ITPR3: variants seen among roughly 807,000 people sequenced by gnomAD.
The protein encoded by ITPR3 is inositol 1,4,5-trisphosphate-gated calcium channel ITPR3.
Under a neutral mutation model 293.2 loss-of-function variants are expected in ITPR3, and 173 were observed. The observed-to-expected ratio is 0.59, with a 90% CI of 0.52 to 0.67. The LOEUF (loss-of-function observed/expected upper bound fraction) is 0.67, where lower values mean the gene tolerates loss of function less well. Ranked by LOEUF, ITPR3 falls within the 30% of genes least tolerant of loss-of-function variation. The pLI is 0.00. For missense variants in ITPR3, 2,796 were observed against 3,592.1 expected (o/e 0.78, Z 5.66); for synonymous variants, 1,295 against 1,444.4 (o/e 0.90, Z 2.35).
Position 33,670,889 on chromosome 6 carries a change from C to T in ITPR3, c.2586+74C>T. Reference sequence around the variant, plus strand: ...GCCCCACACTGGCCTCGGTCTTCACCCAGGAGTCGGCTGTGGGATCCATGA... The same window carrying T: ...GCCCCACACTGGCCTCGGTCTTCACTCAGGAGTCGGCTGTGGGATCCATGA... On this transcript the variant is annotated intron_variant, in intron 20 of 57. Coordinates refer to ENST00000605930, the MANE Select transcript of ITPR3 (RefSeq NM_002224.4). The surrounding 1 kb of genome is among the most constrained non-coding windows in gnomAD (Gnocchi z 6.7). 1 of 1,551,294 alleles carries T rather than the reference C, an allele frequency of 6.4e-7. No homozygotes were observed. Among genetic ancestry groups the T allele is most frequent in the Non-Finnish European group, 8.7e-7 (1 of 1,145,162 alleles).
In ITPR3 at chr6:33,695,776, G is replaced by A. The variant is rs1411939138; in HGVS notation, c.8012G>A (p.Arg2671His). The A allele has an allele frequency of 1.9e-6, 3 of 1,614,008 alleles. No homozygotes were observed. Among genetic ancestry groups the A allele is most frequent in the Non-Finnish European group, 2.5e-6 (3 of 1,179,942 alleles). ...GFVDVQNCIS[R>H] ...GTGGATGTCCAGAACTGCATTAGCC[G>A]CTGAGGAGAGCCACCGAAGGCCCCA... The change falls in exon 58 of 58, where the codon CGC becomes CAC. Residue 2671 changes from arginine to histidine, a missense_variant. Coordinates refer to ENST00000605930, the MANE Select transcript of ITPR3 (RefSeq NM_002224.4).
chr6:33,635,975 G>A lies in ITPR3; in HGVS notation c.90-4509G>A, dbSNP rs141596777. 9.8e-3 allele frequency among the ~76,000 whole-genome samples: 1,485 copies of A among 152,034 alleles called. 16 individuals are homozygous for A. Among genetic ancestry groups the A allele is most frequent in the African/African-American group, 0.025 (1,035 of 41,438 alleles). On this transcript the variant is annotated intron_variant, in intron 1 of 57. Transcript: ENST00000605930. ...TGAGTTCTGAGTGGAGTGCTGGCCT[G>A]ATTTGACTTACCTTTTAAAGGGATC... is the stretch of plus-strand genomic sequence containing the variant.
intron 8 of ITPR3, 27 bp downstream of exon 8, chr6:33,662,701 C>A (rs368126454): frequency 1.2e-6 from 2 of 1,601,434 alleles, no homozygotes; most frequent in East Asian, 2.2e-5. Context: ...TTCTGGCACC[C>A]CGGACTCAGC....
chr6:33,649,832 C>T (rs1164229222), intron 2 of ITPR3, among the ~76,000 whole-genome samples: 1 of 152,114 alleles, frequency 6.6e-6, no homozygotes, highest in Non-Finnish European at 1.5e-5. Context: ...CGAGACCTGC[C>T]AAGATCTGTG....
chr6:33,622,115 C>T (rs1296402335), intron 1 of ITPR3, among the ~76,000 whole-genome samples: 3 of 152,222 alleles, frequency 2.0e-5, no homozygotes, highest in Middle Eastern at 3.4e-3. Context: ...AGCCCGTAAT[C>T]CTCTATTACC....
chr6:33,684,918 T>C lies in ITPR3; in HGVS notation c.5282T>C (p.Leu1761Pro). Residue 1761 changes from leucine to proline, a missense_variant, in exon 39 of 58, where the codon CTG (leucine) becomes CCG (proline). By Grantham distance (98) the Leu-to-Pro change is moderately conservative. This residue lies in a region of ITPR3 where 704 missense variants were observed against 797.5 expected (regional missense o/e 0.88). Transcript: ENST00000605930. The surrounding 1 kb of genome is among the most constrained non-coding windows in gnomAD (Gnocchi z 4.2). ...QESIGLAIHL[L>P]DGGNTEIQKS... ...AGCATCGGCCTGGCCATCCACCTGC[T>C]GGATGGTGGCAACACAGAGATCCAG... 6.2e-7 allele frequency: 1 copy of C among 1,612,936 alleles called. No homozygotes were observed. Among genetic ancestry groups the C allele is most frequent in the Non-Finnish European group, 8.5e-7 (1 of 1,179,338 alleles).
chr6:33,650,477 G>A (rs577268890), intron 2 of ITPR3, among the ~76,000 whole-genome samples: 13 of 152,290 alleles, frequency 8.5e-5, no homozygotes, highest in East Asian at 1.9e-4. Flanking sequence ...CTGCTCTCCC[G>A]GGGATGCTTC....
chr6:33,638,356 A>G lies in ITPR3; in HGVS notation c.90-2128A>G, dbSNP rs1023034233. Among the ~76,000 whole-genome samples the G allele has an allele frequency of 6.6e-6, 1 of 152,232 alleles. No homozygotes were observed. The highest frequency in any genetic ancestry group is 1.5e-5 in the Non-Finnish European group (1 of 68,042). On this transcript the variant is annotated intron_variant, in intron 1 of 57. Transcript: ENST00000605930. The surrounding 1 kb of genome is among the most constrained non-coding windows in gnomAD (Gnocchi z 4.3). Reference sequence around the variant, plus strand: ...GCCATTGGTGGTCAACCTAACCTTCAGCGGCTCTCTCCTTCCAGGAGGAGG... The same window carrying G: ...GCCATTGGTGGTCAACCTAACCTTCGGCGGCTCTCTCCTTCCAGGAGGAGG...
chr6:33,658,845 G>A lies in ITPR3; in HGVS notation c.528+17G>A. ...GGGGACAACGTGAGGGCAGGGCCAGGGTTGGAGGGGCCTGGTGGAACTCCC... is the reference window on the plus strand; with the variant it reads ...GGGGACAACGTGAGGGCAGGGCCAGAGTTGGAGGGGCCTGGTGGAACTCCC... On this transcript the variant is annotated intron_variant, in intron 5 of 57. Transcript: ENST00000605930. The surrounding 1 kb of genome is among the most constrained non-coding windows in gnomAD (Gnocchi z 6.1). 6.2e-7 allele frequency: 1 copy of A among 1,613,624 alleles called. No individual in the cohort carries two copies. Among genetic ancestry groups the A allele is most frequent in the Non-Finnish European group, 8.5e-7 (1 of 1,179,672 alleles).
In ITPR3 at chr6:33,680,366, A is replaced by G; in HGVS notation, c.4262A>G (p.Tyr1421Cys). The G allele has an allele frequency of 1.9e-6, 3 of 1,609,066 alleles. No individual in the cohort carries two copies. The highest frequency in any genetic ancestry group is 2.5e-6 in the Non-Finnish European group (3 of 1,178,746). The change falls in exon 32 of 58, where the codon TAC (tyrosine) becomes TGC (cysteine). Residue 1421 changes from tyrosine to cysteine, a missense_variant. Coordinates refer to ENST00000605930, the MANE Select transcript of ITPR3 (RefSeq NM_002224.4). The stretch of plus-strand genomic sequence containing the variant: ...TATGTGAACTTCGTGAACCACTGCT[A>G]CGTGGACACGGAGGTGGAGATGAAG... ...MAYVNFVNHC[Y>C]VDTEVEMKEI...
In ITPR3 at chr6:33,692,330, CCAGA is replaced by C. The variant is rs1582170408; in HGVS notation, c.7459-393_7459-390del. ...TGGGAGTGAGAGGCCGCCTCCCTGGCCAGACAGAGGGTTTCTGGAATGTGTGAGG... is the reference window on the plus strand; with the variant it reads ...TGGGAGTGAGAGGCCGCCTCCCTGGCCAGAGGGTTTCTGGAATGTGTGAGG... On this transcript the variant is annotated intron_variant, in intron 54 of 57. Transcript: ENST00000605930. The surrounding 1 kb of genome is among the most constrained non-coding windows in gnomAD (Gnocchi z 4.2). Among the ~76,000 whole-genome samples, 2 of 152,168 alleles carry C rather than the reference CCAGA, an allele frequency of 1.3e-5. No homozygotes were observed. Among genetic ancestry groups the C allele is most frequent in the Admixed American group, 6.5e-5 (1 of 15,284 alleles).
intron 1 of ITPR3, among the ~76,000 whole-genome samples, chr6:33,630,702 T>C (rs1013239622): frequency 6.6e-6 from 1 of 152,224 alleles, no homozygotes; most frequent in Non-Finnish European, 1.5e-5. Context: ...TTATTTCTAC[T>C]GGGCCAAGTT....
At position 33,688,451 on chromosome 6, in the gene ITPR3, A is replaced by T; in HGVS notation, c.6568+20A>T. 17 of 99,822 alleles carry T rather than the reference A, an allele frequency of 1.7e-4. No homozygotes were observed. Among genetic ancestry groups the T allele is most frequent in the Non-Finnish European group, 2.9e-4 (16 of 56,116 alleles). 6.2% of individuals were successfully genotyped at this position (99,822 alleles called of 1,614,324 possible). A position where few individuals can be genotyped will look rare whatever the true frequency, so the allele number is the denominator to read the frequency against. ...TCCGCAGTGAGGACCCACGGGCGGG[A>T]GGGTGGGGCGGTCTGGAGCTGTTCA... On this transcript the variant is annotated intron_variant, in intron 48 of 57. Coordinates refer to ENST00000605930, the MANE Select transcript of ITPR3 (RefSeq NM_002224.4).
In ITPR3 at chr6:33,674,201, C is replaced by G. The variant is rs1764845303; in HGVS notation, c.3059-7C>G. ...CAATCTGCTTCCATCTGCCCCTCTC[C>G]CCACAGCTGCCAACATGAACCTGGA... On this transcript the variant is annotated splice_region_variant and splice_polypyrimidine_tract_variant and intron_variant, in intron 23 of 57. Transcript: ENST00000605930. 11 of 1,614,052 alleles carry G rather than the reference C, an allele frequency of 6.8e-6. No individual in the cohort carries two copies. Among genetic ancestry groups the G allele is most frequent in the Non-Finnish European group, 9.3e-6 (11 of 1,179,964 alleles).
chr6:33,672,566 GATAA>G lies in ITPR3; in HGVS notation c.2928+348_2928+351del, dbSNP rs1232811236. Among the ~76,000 whole-genome samples, 1 of 152,032 alleles carries G rather than the reference GATAA, an allele frequency of 6.6e-6. No individual in the cohort carries two copies. The highest frequency in any genetic ancestry group is 2.4e-5 in the African/African-American group (1 of 41,382). On this transcript the variant is annotated intron_variant, in intron 22 of 57. Coordinates refer to ENST00000605930, the MANE Select transcript of ITPR3 (RefSeq NM_002224.4). The surrounding 1 kb of genome is among the most constrained non-coding windows in gnomAD (Gnocchi z 5.0). ...CTCTATTAAAAAAAATAGTAATAAC[GATAA>G]ATAAATAAAAAGAAAAACAGAAATG...
In ITPR3 at chr6:33,640,701, C is replaced by G. The variant is rs535156157; in HGVS notation, c.160+147C>G. ...ACCTCACTCTGCTGTCGGCGGAATC[C>G]CCCTTGGCTTGCACTGCTGCCATCT... is the stretch of plus-strand genomic sequence containing the variant. On this transcript the variant is annotated intron_variant, in intron 2 of 57. Coordinates refer to ENST00000605930, the MANE Select transcript of ITPR3 (RefSeq NM_002224.4). 1,354 of 641,182 alleles carry G rather than the reference C, an allele frequency of 2.1e-3. 2 individuals are homozygous for G. The highest frequency in any genetic ancestry group is 2.9e-3 in the Non-Finnish European group (1,110 of 381,220). 39.7% of individuals were successfully genotyped at this position (641,182 alleles called of 1,614,324 possible).
intron 51 of ITPR3, 147 bp from the exon 52 acceptor site, chr6:33,690,770 G>A: frequency 4.5e-6 from 3 of 664,894 alleles, no homozygotes; most frequent in Non-Finnish European, 7.6e-6. Flanking sequence ...CACCCAGCTT[G>A]GATACGACTA....
intron 56 of ITPR3, 195 bp from the exon 57 acceptor site, chr6:33,694,729 T>C: frequency 1.6e-6 from 1 of 634,570 alleles, no homozygotes; most frequent in South Asian, 2.0e-5. Context: ...GGCAGAGGGT[T>C]GACAAGAGGG....
intron 1 of ITPR3, among the ~76,000 whole-genome samples, chr6:33,637,994 T>G (rs1373968206): frequency 1.3e-5 from 2 of 150,374 alleles, no homozygotes; most frequent in Non-Finnish European, 3.0e-5. Flanking sequence ...GCACGTTTTT[T>G]GTTTTGTTTT....
Sources: allele counts gnomAD v4.1 joint callset (sites outside exome capture counted in the v4.1 genomes callset), GRCh38; gene constraint gnomAD v4.1.1; regional missense constraint gnomAD v4.1.1; non-coding constraint Gnocchi (gnomAD v3.1); transcripts MANE v1.5; gene names NCBI Gene and HGNC (gene_info 2026-07-23, HGNC 2026-07-21).